CCDC57: variants seen among roughly 807,000 people sequenced by gnomAD.
CCDC57 encodes the protein coiled-coil domain-containing protein 57.
In CCDC57, 118 loss-of-function variants were observed where a neutral mutation model predicts 118.9. The ratio of observed to expected loss-of-function variants is 0.99; its 90% CI spans 0.86 to 1.16. The LOEUF (loss-of-function observed/expected upper bound fraction) is 1.16. Among genes scored for constraint, CCDC57 ranks in the 50% most tolerant of loss-of-function variants. The probability of loss-of-function intolerance (pLI) is 0.00; values close to 1 mark genes in which losing one functional copy is unlikely to be tolerated. For missense variants in CCDC57, 1,300 were observed against 1,320.7 expected (o/e 0.98, Z 0.24); for synonymous variants, 527 against 532.9 (o/e 0.99, Z 0.15).
exon 19 of CCDC57, chr17:82,127,759 G>A (rs2037685483): frequency 3.7e-6 from 6 of 1,612,570 alleles, no homozygotes; most frequent in African/African-American, 1.3e-5. Context: ...ACCTCCACAT[G>A]TCCTGGAGGG....
chr17:82,183,509 A>G (rs886850207), intron 9 of CCDC57, among the ~76,000 whole-genome samples: 3 of 152,126 alleles, frequency 2.0e-5, no homozygotes, highest in Non-Finnish European at 4.4e-5. Flanking sequence ...GTGCAGAATC[A>G]AGCAGGAGCA....
chr17:82,102,074 G>A (rs1429185778), intron 19 of CCDC57, among the ~76,000 whole-genome samples: 1 of 152,246 alleles, frequency 6.6e-6, no homozygotes, highest in Non-Finnish European at 1.5e-5. Context: ...TGCTCAGTGG[G>A]TCCTGCTTGG....
At chr17:82,210,489 T>C (rs1278508926) in intron 1 of CCDC57, among the ~76,000 whole-genome samples, 3 of 146,706 alleles carry the variant, frequency 2.0e-5, no homozygotes, top group African/African-American at 5.1e-5. Flanking sequence ...CTGACCAACA[T>C]GGTGAAACCC....
intron 19 of CCDC57, among the ~76,000 whole-genome samples, chr17:82,104,489 C>T (rs898592477): frequency 6.6e-6 from 1 of 152,218 alleles, no homozygotes; most frequent in Admixed American, 6.5e-5. Context: ...GCCACCCAGG[C>T]TGGGCTCCGT....
At position 82,173,585 on chromosome 17, in the gene CCDC57, A is replaced by C. The variant is rs566323603; in HGVS notation, c.1507-725T>G. 3.3e-5 allele frequency among the ~76,000 whole-genome samples: 5 copies of C among 152,340 alleles called. No homozygotes were observed. In the South Asian group the frequency reaches 1.0e-3, roughly 32 times the overall value. Reference sequence around the variant, plus strand: ...GCCACACATCACAGATGACGAAGCAAATGAGCTGAAAGCCGACATCACAGA... The same window carrying C: ...GCCACACATCACAGATGACGAAGCACATGAGCTGAAAGCCGACATCACAGA... On this transcript the variant is annotated intron_variant, in intron 11 of 19. Coordinates refer to ENST00000665763, the Ensembl canonical transcript of CCDC57.
intron 7 of CCDC57, among the ~76,000 whole-genome samples, chr17:82,193,292 G>A (rs746359230): frequency 6.6e-6 from 1 of 151,884 alleles, no homozygotes; most frequent in African/African-American, 2.4e-5. Flanking sequence ...GCCTATAATC[G>A]CAGCACTTTG....
chr17:82,148,640 G>A (rs2041314304), intron 16 of CCDC57, among the ~76,000 whole-genome samples: 2 of 67,460 alleles, frequency 3.0e-5, no homozygotes, highest in African/African-American at 5.7e-5. Context: ...AGATGGATGG[G>A]TGGGTGGGTG....
chr17:82,133,672 C>T (rs974429407), intron 17 of CCDC57, among the ~76,000 whole-genome samples: 2 of 151,766 alleles, frequency 1.3e-5, no homozygotes, highest in Non-Finnish European at 2.9e-5. Flanking sequence ...ACCAGCCTGG[C>T]CAATATGGTA....
intron 16 of CCDC57, among the ~76,000 whole-genome samples, chr17:82,141,766 G>A (rs1568233939): frequency 6.6e-6 from 1 of 152,078 alleles, no homozygotes; most frequent in Non-Finnish European, 1.5e-5. Flanking sequence ...CACATTACCT[G>A]TCTGATGCCC....
chr17:82,139,078 A>G (rs1269086538), intron 16 of CCDC57, among the ~76,000 whole-genome samples: 1 of 152,228 alleles, frequency 6.6e-6, no homozygotes, highest in African/African-American at 2.4e-5. Context: ...AGTCAGCTTC[A>G]CACTTATCTG....
intron 19 of CCDC57, among the ~76,000 whole-genome samples, chr17:82,125,702 GA>G (rs1004987457): frequency 6.6e-6 from 1 of 151,522 alleles, no homozygotes; most frequent in African/African-American, 2.4e-5. Flanking sequence ...TAAAAAGAAA[GA>G]AAAAAGAAAA....
chr17:82,113,942 GTAAA>G (rs1321866334), intron 19 of CCDC57, among the ~76,000 whole-genome samples: 1 of 152,104 alleles, frequency 6.6e-6, no homozygotes, highest in Non-Finnish European at 1.5e-5. Flanking sequence ...CGAGAATAAA[GTAAA>G]TAAATAAGAG....
intron 11 of CCDC57, among the ~76,000 whole-genome samples, chr17:82,176,621 C>A (rs917218946): frequency 6.6e-6 from 1 of 152,098 alleles, no homozygotes; most frequent in African/African-American, 2.4e-5. Flanking sequence ...CCAGCGTGGG[C>A]CCCCTGGACC....
chr17:82,155,244 G>C (rs1422661207), intron 15 of CCDC57: 1 of 152,230 alleles, frequency 6.6e-6, no homozygotes, highest in Non-Finnish European at 1.5e-5. Flanking sequence ...CCGTCTGATG[G>C]GAATCCCTCT....
Position 82,184,031 on chromosome 17 carries a change from G to GCGCGCGCGCACACA in CCDC57, c.1053-100_1053-99insTGTGTGCGCGCGCG. On this transcript the variant is annotated intron_variant, in intron 8 of 19. Transcript: ENST00000665763. ...CAAATACACATGCGCGCGCGCGCGC[G>GCGCGCGCGCACACA]CACACACACACACACACACACACAC... is the stretch of plus-strand genomic sequence containing the variant. The GCGCGCGCGCACACA allele has an allele frequency of 1.4e-3, 190 of 131,854 alleles. 2 individuals carry two copies. The highest frequency in any genetic ancestry group is 2.0e-3 in the Admixed American group (23 of 11,278). The allele number at this position is 131,854 out of a possible 1,614,324, so 8.2% of individuals were successfully genotyped here. A position where few individuals can be genotyped will look rare whatever the true frequency, so the allele number is the denominator to read the frequency against.
intron 2 of CCDC57, among the ~76,000 whole-genome samples, chr17:82,204,400 C>T (rs4789666): frequency 0.46 from 69,620 of 152,008 alleles, 16,774 homozygotes; most frequent in East Asian, 0.88. Flanking sequence ...GCCCACACCT[C>T]GGCCACCACA....
At chr17:82,127,454 T>C in intron 19 of CCDC57, 1 of 985,254 alleles carries the variant, frequency 1.0e-6, no homozygotes, top group Non-Finnish European at 1.2e-6. Flanking sequence ...CGCCCGGGTG[T>C]ACGGTGCTGC....
At chr17:82,167,003 T>C (rs2146169190) in intron 13 of CCDC57, among the ~76,000 whole-genome samples, 1 of 150,292 alleles carries the variant, frequency 6.7e-6, no homozygotes, top group East Asian at 1.9e-4. Context: ...AAAATCTCAC[T>C]GAATGGGCTC....
intron 19 of CCDC57, 126 bp downstream of exon 18, chr17:82,127,566 A>G (rs1407260639): frequency 9.6e-6 from 14 of 1,451,218 alleles, no homozygotes; most frequent in Admixed American, 8.5e-5. Flanking sequence ...GCATTACTCA[A>G]CCAAAGTGCA....
Sources: allele counts gnomAD v4.1 joint callset (sites outside exome capture counted in the v4.1 genomes callset), GRCh38; gene constraint gnomAD v4.1.1; transcripts MANE v1.5; gene names NCBI Gene and HGNC (gene_info 2026-07-23, HGNC 2026-07-21).